MAPK13: variants seen among roughly 807,000 people sequenced by gnomAD.
The protein encoded by MAPK13 is mitogen-activated protein kinase 13, also known as MAP kinase 13.
In MAPK13, 39 loss-of-function variants were observed where a neutral mutation model predicts 53.5. That is an observed-to-expected ratio of 0.73 (90% CI 0.56 to 0.95). The LOEUF is 0.95. MAPK13 is among the 40% of genes least tolerant of loss of function. MAPK13 has a pLI of 0.00. For missense variants in MAPK13, 460 were observed against 471.8 expected (o/e 0.98, Z 0.23); for synonymous variants, 179 against 190.9 (o/e 0.94, Z 0.51).
rs1766538538 is a variant in MAPK13, at chr6:36,141,846, G to A, written c.*2473G>A. 6.6e-6 allele frequency: 1 copy of A among 152,262 alleles called. No individual in the cohort carries two copies. The highest frequency in any genetic ancestry group is 2.4e-5 in the African/African-American group (1 of 41,404). The allele number at this position is 152,262 out of a possible 1,614,324, so 9.4% of individuals were successfully genotyped here. ...ACGCCAGTCTGAGACCCTTACTGCT[G>A]ACTGTGTCCATGGTCTCTGTTTTCT... On this transcript the variant is annotated 3_prime_UTR_variant, in exon 12 of 12. Coordinates refer to ENST00000211287, the MANE Select transcript of MAPK13 (RefSeq NM_002754.5).
In MAPK13 at chr6:36,141,713, TTGG is replaced by T. The variant is rs1766536036; in HGVS notation, c.*2341_*2343del. 6.6e-6 allele frequency: 1 copy of T among 152,444 alleles called. No individual in the cohort carries two copies. The highest frequency in any genetic ancestry group is 1.5e-5 in the Non-Finnish European group (1 of 68,338). The allele number at this position is 152,444 out of a possible 1,614,324, so 9.4% of individuals were successfully genotyped here. On this transcript the variant is annotated 3_prime_UTR_variant, in exon 12 of 12. Coordinates refer to ENST00000211287, the MANE Select transcript of MAPK13 (RefSeq NM_002754.5). The stretch of plus-strand genomic sequence containing the variant: ...CAAATACCCTGAGGACACAGAGACA[TTGG>T]GTCAGACACCCACAGCTAGGAAGTG...
chr6:36,138,650 C>T, intron 9 of MAPK13, 52 bp from the exon 10 acceptor site: 1 of 1,557,244 alleles, frequency 6.4e-7, no homozygotes, highest in South Asian at 1.1e-5. Flanking sequence ...AATCCCTGCT[C>T]TACACGCTGA....
chr6:36,142,807 C>A lies in MAPK13; in HGVS notation c.*3434C>A, dbSNP rs1766555947. ...CGGAATTAAACCTCAGCCCCTCCCA[C>A]AGAGTTTTCTCAAATCTGTGAAGTT... On this transcript the variant is annotated 3_prime_UTR_variant, in exon 12 of 12. Coordinates refer to ENST00000211287, the MANE Select transcript of MAPK13 (RefSeq NM_002754.5). The surrounding 1 kb of genome is among the most constrained non-coding windows in gnomAD (Gnocchi z 4.4). The A allele has an allele frequency of 6.6e-6, 1 of 152,224 alleles. No homozygotes were observed. Among genetic ancestry groups the A allele is most frequent in the Admixed American group, 6.5e-5 (1 of 15,268 alleles). 9.4% of individuals were successfully genotyped at this position (152,224 alleles called of 1,614,324 possible). A position where few individuals can be genotyped will look rare whatever the true frequency, so the allele number is the denominator to read the frequency against.
chr6:36,138,018 G>A (rs1051313265), intron 8 of MAPK13, among the ~76,000 whole-genome samples: 4 of 150,868 alleles, frequency 2.7e-5, no homozygotes, highest in Admixed American at 6.6e-5. Flanking sequence ...CTACCACTAC[G>A]TGGAAAATAC....
rs1172760211 is a variant in MAPK13, at chr6:36,130,952, G to A, written c.119+251G>A. The A allele has an allele frequency of 1.6e-5, 8 of 511,016 alleles. No homozygotes were observed. Among genetic ancestry groups the A allele is most frequent in the Non-Finnish European group, 2.8e-5 (8 of 288,304 alleles). 31.7% of individuals were successfully genotyped at this position (511,016 alleles called of 1,614,324 possible). A position where few individuals can be genotyped will look rare whatever the true frequency, so the allele number is the denominator to read the frequency against. The stretch of plus-strand genomic sequence containing the variant: ...CACTTGCAAGACCCCAGAGTTCATC[G>A]GGCAGATCCTCACTGTTACAGACGA... On this transcript the variant is annotated intron_variant, in intron 1 of 11. Coordinates refer to ENST00000211287, the MANE Select transcript of MAPK13 (RefSeq NM_002754.5). This position sits in a 1 kb window ranked among gnomAD's most constrained non-coding sequence, Gnocchi z 4.5.
chr6:36,139,658 C>T lies in MAPK13; in HGVS notation c.*285C>T, dbSNP rs1766494437. On this transcript the variant is annotated 3_prime_UTR_variant, in exon 12 of 12. Transcript: ENST00000211287. ...GGGGCTGAGTGGGCGCTGAGCCAGG[C>T]CGGGGGCCTATGGCAGTGATGCTGT... is the stretch of plus-strand genomic sequence containing the variant. The T allele has an allele frequency of 2.3e-6, 1 of 441,206 alleles. No homozygotes were observed. The highest frequency in any genetic ancestry group is 4.1e-6 in the Non-Finnish European group (1 of 242,070). 27.3% of individuals were successfully genotyped at this position (441,206 alleles called of 1,614,324 possible). A position where few individuals can be genotyped will look rare whatever the true frequency, so the allele number is the denominator to read the frequency against.
chr6:36,130,899 G>A lies in MAPK13; in HGVS notation c.119+198G>A, dbSNP rs1766305123. 1 of 513,378 alleles carries A rather than the reference G, an allele frequency of 1.9e-6. No homozygotes were observed. The highest frequency in any genetic ancestry group is 2.5e-5 in the South Asian group (1 of 39,944). 31.8% of individuals were successfully genotyped at this position (513,378 alleles called of 1,614,324 possible). A position where few individuals can be genotyped will look rare whatever the true frequency, so the allele number is the denominator to read the frequency against. On this transcript the variant is annotated intron_variant, in intron 1 of 11. Transcript: ENST00000211287. This position sits in a 1 kb window ranked among gnomAD's most constrained non-coding sequence, Gnocchi z 4.5. ...AGTGAGGTCTCTGGGGGTTGAGTTG[G>A]GACTGGGCCTGGTTCTCCAGGACTG... is the stretch of plus-strand genomic sequence containing the variant.
chr6:36,132,421 A>G (rs1363118885), intron 2 of MAPK13, among the ~76,000 whole-genome samples, 200 bp from the exon 3 acceptor site: 1 of 152,140 alleles, frequency 6.6e-6, no homozygotes, highest in Non-Finnish European at 1.5e-5. Context: ...GTCATGATTT[A>G]TTGCAAACTC....
At position 36,139,660 on chromosome 6, in the gene MAPK13, G is replaced by C; in HGVS notation, c.*287G>C. On this transcript the variant is annotated 3_prime_UTR_variant, in exon 12 of 12. Transcript: ENST00000211287. ...GGCTGAGTGGGCGCTGAGCCAGGCC[G>C]GGGGCCTATGGCAGTGATGCTGTGT... 2.3e-6 allele frequency: 1 copy of C among 429,410 alleles called. No individual in the cohort carries two copies. Among genetic ancestry groups the C allele is most frequent in the South Asian group, 2.8e-5 (1 of 35,424 alleles). 26.6% of individuals were successfully genotyped at this position (429,410 alleles called of 1,614,324 possible).
Position 36,138,780 on chromosome 6 carries a change from G to C in MAPK13, c.841G>C (p.Ala281Pro), listed in dbSNP as rs1766471043. The C allele has an allele frequency of 6.2e-7, 1 of 1,614,138 alleles. No individual in the cohort carries two copies. The highest frequency in any genetic ancestry group is 8.5e-7 in the Non-Finnish European group (1 of 1,180,016). ...TQLFPRASPQ[A>P]ADLLEKMLEL... ...GCTGTTCCCACGGGCCAGCCCCCAG[G>C]GTGAGTCTCAGAGCCCGCTCCCCAG... Residue 281 changes from alanine (A) to proline (P), a missense_variant and splice_region_variant, in exon 10 of 12, where the codon GCT becomes CCT. Transcript: ENST00000211287.
chr6:36,134,505 G>A (rs573433584), intron 3 of MAPK13, among the ~76,000 whole-genome samples: 22 of 152,158 alleles, frequency 1.4e-4, no homozygotes, highest in Admixed American at 4.6e-4. Flanking sequence ...CCATCCTCCC[G>A]CCTCAGCCCC....
chr6:36,141,725 C>A lies in MAPK13; in HGVS notation c.*2352C>A, dbSNP rs1233516549. ...GGACACAGAGACATTGGGTCAGACA[C>A]CCACAGCTAGGAAGTGGTGGAGTCA... On this transcript the variant is annotated 3_prime_UTR_variant, in exon 12 of 12. Coordinates refer to ENST00000211287, the MANE Select transcript of MAPK13 (RefSeq NM_002754.5). The A allele has an allele frequency of 6.6e-6, 1 of 152,418 alleles. No individual in the cohort carries two copies. The highest frequency in any genetic ancestry group is 3.4e-3 in the Middle Eastern group (1 of 296). The allele number at this position is 152,418 out of a possible 1,614,324, so 9.4% of individuals were successfully genotyped here.
rs1208012001 is a variant in MAPK13 at position 36,140,845 on chromosome 6, A to C, written c.*1472A>C. 1 of 152,182 alleles carries C rather than the reference A, an allele frequency of 6.6e-6. No homozygotes were observed. 9.4% of individuals were successfully genotyped at this position (152,182 alleles called of 1,614,324 possible). A position where few individuals can be genotyped will look rare whatever the true frequency, so the allele number is the denominator to read the frequency against. Reference sequence around the variant, plus strand: ...GGCTGGAGTTCAGTGGCACAATTACATCTTACTGCAACCTCAGCCTCCTGG... The same window carrying C: ...GGCTGGAGTTCAGTGGCACAATTACCTCTTACTGCAACCTCAGCCTCCTGG... On this transcript the variant is annotated 3_prime_UTR_variant, in exon 12 of 12. Transcript: ENST00000211287.
At chr6:36,134,625 C>T (rs367988175) in intron 3 of MAPK13, among the ~76,000 whole-genome samples, 7 of 151,402 alleles carry the variant, frequency 4.6e-5, no homozygotes, top group South Asian at 2.1e-4. Context: ...CTCGAATTCC[C>T]GGCCTCAAGT....
At chr6:36,137,963 A>AAAC (rs1437112794) in intron 8 of MAPK13, among the ~76,000 whole-genome samples, 1 of 151,216 alleles carries the variant, frequency 6.6e-6, no homozygotes, top group East Asian at 2.0e-4. Context: ...TGTCTCAAAA[A>AAAC]AAAAAAAAAA....
rs376241274 is a variant in MAPK13, at chr6:36,138,990, C to T, written c.953C>T (p.Thr318Met). ...CCCTTCCGGGACCCTGAGGAAGAGACGGAGGCCCAGCAGCCGTTTGATGAT... is the reference window on the plus strand; with the variant it reads ...CCCTTCCGGGACCCTGAGGAAGAGATGGAGGCCCAGCAGCCGTTTGATGAT... ...FEPFRDPEEE[T>M]EAQQPFDDSL... Residue 318 changes from threonine to methionine, a missense_variant, in exon 11 of 12, where the codon ACG (threonine) becomes ATG (methionine). Physicochemically the swap from Thr to Met is moderately conservative, Grantham distance 81 (BLOSUM62 -1). Transcript: ENST00000211287. 14 of 1,613,556 alleles carry T rather than the reference C, an allele frequency of 8.7e-6. No individual in the cohort carries two copies. Among genetic ancestry groups the T allele is most frequent in the Non-Finnish European group, 1.2e-5 (14 of 1,179,898 alleles).
rs759533532 is a variant in MAPK13, at chr6:36,132,669, T to C, written c.298T>C (p.Phe100Leu). ...CACCCCAGCCTCCTCCCTGCGCAAC[T>C]TCTATGACTTGTGAGTTGGGCTGCA... ...VFTPASSLRN[F>L]YDFYLVMPFM... is the part of the protein sequence containing the mutation. Residue 100 changes from phenylalanine to leucine, a missense_variant, in exon 3 of 12, where the codon TTC (phenylalanine) becomes CTC (leucine). Physicochemically the swap from Phe to Leu is conservative, Grantham distance 22. Transcript: ENST00000211287. The C allele has an allele frequency of 5.0e-6, 8 of 1,614,214 alleles. No homozygotes were observed. The highest frequency in any genetic ancestry group is 5.9e-6 in the Non-Finnish European group (7 of 1,180,026).
Position 36,142,572 on chromosome 6 carries a change from G to A in MAPK13, c.*3199G>A, listed in dbSNP as rs1766551090. The A allele has an allele frequency of 6.6e-6, 1 of 152,256 alleles. No homozygotes were observed. Among genetic ancestry groups the A allele is most frequent in the African/African-American group, 2.4e-5 (1 of 41,430 alleles). 9.4% of individuals were successfully genotyped at this position (152,256 alleles called of 1,614,324 possible). On this transcript the variant is annotated 3_prime_UTR_variant, in exon 12 of 12. Coordinates refer to ENST00000211287, the MANE Select transcript of MAPK13 (RefSeq NM_002754.5). The surrounding 1 kb of genome is among the most constrained non-coding windows in gnomAD (Gnocchi z 4.4). The stretch of plus-strand genomic sequence containing the variant: ...ATACCTGTGCGTGAATGAATAATGA[G>A]TGAAAGATGTCCCAGGGGCCTGTCG...
chr6:36,139,486 C>A lies in MAPK13; in HGVS notation c.*113C>A. On this transcript the variant is annotated 3_prime_UTR_variant, in exon 12 of 12. Transcript: ENST00000211287. Reference sequence around the variant, plus strand: ...CCTTTCAAGCAGAGGACAGAAGGGTCCTTCTCCTTATGTGGGAAATGGGCC... The same window carrying A: ...CCTTTCAAGCAGAGGACAGAAGGGTACTTCTCCTTATGTGGGAAATGGGCC... 1.2e-6 allele frequency: 1 copy of A among 826,402 alleles called. No homozygotes were observed. The highest frequency in any genetic ancestry group is 1.5e-5 in the South Asian group (1 of 66,958). 51.2% of individuals were successfully genotyped at this position (826,402 alleles called of 1,614,324 possible). A position where few individuals can be genotyped will look rare whatever the true frequency, so the allele number is the denominator to read the frequency against.
Sources: gnomAD v4.1 joint callset for allele counts (sites outside exome capture counted in the v4.1 genomes callset) on GRCh38, gnomAD v4.1.1 for gene constraint, Gnocchi (gnomAD v3.1) non-coding constraint, MANE v1.5 for transcripts, NCBI Gene and HGNC (gene_info 2026-07-23, HGNC 2026-07-21) for gene names.